MED16: variants seen among roughly 807,000 people sequenced by gnomAD.
MED16 encodes the protein mediator complex subunit 16.
Under a neutral mutation model 84.4 loss-of-function variants are expected in MED16, and 81 were observed. The ratio of observed to expected loss-of-function variants is 0.96; its 90% CI spans 0.80 to 1.15. MED16 has a LOEUF of 1.15. Ranked by LOEUF, MED16 falls within the 50% of genes most tolerant of loss-of-function variation. The pLI is 0.00. For synonymous variants in MED16, 897 were observed against 552.2 expected (o/e 1.62, Z -8.76); for missense variants, 1,585 against 1,245.9 (o/e 1.27, Z -4.10).
At position 868,124 on chromosome 19, in the gene MED16, G is replaced by C. The variant is rs1194098580; in HGVS notation, c.2611C>G (p.Leu871Val). ...SPRTPRSLDH[L>V]HPEDRP is the part of the protein sequence containing the mutation. Reference sequence around the variant, plus strand: ...CGTCACGGACGGTCCTCTGGATGCAGATGGTCCAGGGATCTGGGGGTCCTG... The same window carrying C: ...CGTCACGGACGGTCCTCTGGATGCACATGGTCCAGGGATCTGGGGGTCCTG... The change falls in exon 16 of 16, where the codon CTG becomes GTG. Residue 871 changes from leucine (L) to valine (V), a missense_variant. Leu to Val is a conservative substitution (Grantham distance 32). Coordinates refer to ENST00000325464, the MANE Select transcript of MED16 (RefSeq NM_005481.3). 15 of 1,610,718 alleles carry C rather than the reference G, an allele frequency of 9.3e-6. No individual in the cohort carries two copies. The Admixed American group carries it at 1.0e-4, about 11-fold the overall frequency.
intron 10 of MED16, among the ~76,000 whole-genome samples, chr19:874,631 C>T (rs1285487637): frequency 3.9e-5 from 6 of 152,186 alleles, no homozygotes; most frequent in Non-Finnish European, 7.3e-5. Context: ...GTCTCAGCCC[C>T]CAGGAGTAGA....
At chr19:874,506 T>C (rs944301115) in intron 10 of MED16, among the ~76,000 whole-genome samples, 1 of 152,050 alleles carries the variant, frequency 6.6e-6, no homozygotes, top group Non-Finnish European at 1.5e-5. Context: ...CACCACGTGC[T>C]GGGTGAGCCT....
chr19:875,509 G>A (rs2036210391), intron 9 of MED16, 55 bp from the exon 10 acceptor site: 16 of 1,413,378 alleles, frequency 1.1e-5, no homozygotes, highest in Admixed American at 2.1e-5. Context: ...CGCCCGCCAA[G>A]GCTCCAGCTG....
At chr19:880,559 C>CG (rs966451509) in intron 7 of MED16, among the ~76,000 whole-genome samples, 2 of 151,038 alleles carry the variant, frequency 1.3e-5, no homozygotes, top group East Asian at 1.9e-4. Context: ...GTACGAGGGC[C>CG]GGGGGGAGGT....
At chr19:874,286 G>C (rs1013934490) in intron 10 of MED16, among the ~76,000 whole-genome samples, 2 of 152,130 alleles carry the variant, frequency 1.3e-5, no homozygotes, top group African/African-American at 4.8e-5. Context: ...GCTGATTTTT[G>C]TATTTTTAGT....
At chr19:873,374 GGGGCA>G (rs2036144427) in intron 11 of MED16, 70 bp downstream of exon 11, 2 of 1,495,160 alleles carry the variant, frequency 1.3e-6, no homozygotes, top group Non-Finnish European at 1.8e-6. Flanking sequence ...TTGAGGGGCA[GGGGCA>G]GGGAAGCGGG....
At chr19:890,481 T>C (rs887605519) in intron 2 of MED16, 14 of 442,196 alleles carry the variant, frequency 3.2e-5, no homozygotes, top group Non-Finnish European at 4.8e-5. Flanking sequence ...GACTCCGAAA[T>C]GTGAACAGTG....
At chr19:888,941 C>T (rs1476139849) in intron 4 of MED16, among the ~76,000 whole-genome samples, 2 of 152,154 alleles carry the variant, frequency 1.3e-5, no homozygotes, top group African/African-American at 4.8e-5. Flanking sequence ...GCCTTTGCCA[C>T]GAACATCCCC....
chr19:878,218 G>C (rs2145218934), intron 8 of MED16, among the ~76,000 whole-genome samples: 1 of 108,996 alleles, frequency 9.2e-6, no homozygotes, highest in South Asian at 3.2e-4. Flanking sequence ...CCTTCCCCTG[G>C]TTGTCAATGC....
intron 12 of MED16, 75 bp from the exon 13 acceptor site, chr19:871,328 C>A: frequency 2.8e-6 from 4 of 1,437,300 alleles, no homozygotes; most frequent in South Asian, 2.7e-5. Flanking sequence ...GTGCTGGGAG[C>A]CCCTCCAGTT....
chr19:868,577 G>A (rs2035971821), intron 14 of MED16, 78 bp from the exon 15 acceptor site: 4 of 1,565,450 alleles, frequency 2.6e-6, no homozygotes, highest in East Asian at 4.5e-5. Flanking sequence ...TTGCTTCCAG[G>A]CAGGTCTCCC....
intron 10 of MED16, 87 bp downstream of exon 10, chr19:875,157 C>G (rs1043759997): frequency 2.1e-6 from 2 of 932,392 alleles, no homozygotes; most frequent in African/African-American, 3.4e-5. Flanking sequence ...GAGTAAGACC[C>G]TATCTCAAAA....
chr19:875,482 A>G (rs1375658727), intron 9 of MED16, 28 bp from the exon 10 acceptor site: 3 of 1,573,902 alleles, frequency 1.9e-6, no homozygotes, highest in Non-Finnish European at 8.6e-7. Context: ...GGTCACCCCA[A>G]GGGGCCGGAG....
At chr19:887,798 A>G (rs1332095146) in intron 4 of MED16, among the ~76,000 whole-genome samples, 1 of 152,122 alleles carries the variant, frequency 6.6e-6, no homozygotes, top group Non-Finnish European at 1.5e-5. Context: ...TCCTGTTTCT[A>G]TGAATGTCCA....
In MED16 at chr19:886,210, AAGGG is replaced by A. The variant is rs149302926; in HGVS notation, c.448-13_448-10del. The stretch of plus-strand genomic sequence containing the variant: ...AAGCTGGAGGCGCCCGACTGTGGAG[AAGGG>A]AGGGAGGGAGGAGGGGCCGCTCAGG... On this transcript the variant is annotated splice_polypyrimidine_tract_variant and intron_variant, in intron 4 of 15. Transcript: ENST00000325464. 52 of 1,498,010 alleles carry A rather than the reference AAGGG, an allele frequency of 3.5e-5. No homozygotes were observed. The highest frequency in any genetic ancestry group is 9.3e-5 in the East Asian group (4 of 42,956). The allele number at this position is 1,498,010 out of a possible 1,614,324, so 92.8% of individuals were successfully genotyped here.
At chr19:886,342 G>A (rs541367199) in intron 4 of MED16, 141 bp from the exon 5 acceptor site, 2 of 702,464 alleles carry the variant, frequency 2.8e-6, no homozygotes, top group East Asian at 3.0e-5. Context: ...TCGGCCACCT[G>A]AGCCGTGTGG....
rs1002109999 is a variant in MED16, at chr19:872,486, G to T, written c.1906-368C>A. ...TGGGAGCTGAGAGGACCAGGGAAGGGAGGCCCCAGGGGTGGCCCCTGGCAG... is the reference window on the plus strand; with the variant it reads ...TGGGAGCTGAGAGGACCAGGGAAGGTAGGCCCCAGGGGTGGCCCCTGGCAG... On this transcript the variant is annotated intron_variant, in intron 11 of 15. Transcript: ENST00000325464. 5.9e-5 allele frequency among the ~76,000 whole-genome samples: 9 copies of T among 152,206 alleles called. 1 individual carries two copies. The South Asian group carries it at 1.0e-3, about 18-fold the overall frequency.
intron 13 of MED16, 48 bp downstream of exon 13, chr19:870,989 C>A: frequency 1.4e-6 from 2 of 1,439,996 alleles, no homozygotes; most frequent in East Asian, 2.8e-5. Context: ...GGGCAGGACA[C>A]GGAGGAAGGA....
At chr19:884,651 C>T (rs1379487425) in intron 6 of MED16, among the ~76,000 whole-genome samples, 1 of 152,210 alleles carries the variant, frequency 6.6e-6, no homozygotes, top group African/African-American at 2.4e-5. Context: ...GCCTCGGCCT[C>T]GCACAGAATG....
Sources: gnomAD v4.1 joint callset for allele counts (sites outside exome capture counted in the v4.1 genomes callset) on GRCh38, gnomAD v4.1.1 for gene constraint, MANE v1.5 for transcripts, NCBI Gene and HGNC (gene_info 2026-07-23, HGNC 2026-07-21) for gene names.